The following SDK1 variants were observed in gnomAD, a reference collection of about 807,000 sequenced individuals.
SDK1 encodes the protein sidekick cell adhesion molecule 1, also known as protein sidekick-1.
A neutral mutation model predicts 245.5 loss-of-function variants in SDK1; 157 were observed. The ratio of observed to expected loss-of-function variants is 0.64; its 90% confidence interval spans 0.56 to 0.73. SDK1 has a LOEUF of 0.73. SDK1 is among the 30% of genes least tolerant of loss of function. The pLI, the probability that SDK1 is intolerant of heterozygous loss-of-function variation, is 0.00. For missense variants in SDK1, 3,583 were observed against 3,002.3 expected, an observed-to-expected ratio of 1.19 and a Z score of -4.52; for synonymous variants, 1,647 against 1,278.5, an observed-to-expected ratio of 1.29 and a Z score of -6.15.
intron 4 of SDK1, among the ~76,000 whole-genome samples, chr7:3,644,592 T>C (rs1370723433): frequency 6.6e-6 from 1 of 150,658 alleles, no homozygotes; most frequent in Non-Finnish European, 1.5e-5. Context: ...ACTGAAACCT[T>C]ATCTCTACTG....
rs756852528 is a variant in SDK1, at chr7:3,962,663, C to A, written c.1241C>A (p.Pro414His). Residue 414 changes from proline to histidine, a missense_variant, in exon 9 of 45, where the codon CCC becomes CAC. Coordinates refer to ENST00000404826, the MANE Select transcript of SDK1 (RefSeq NM_152744.4). ...VDIGCQAMGVPLPTLQWYKDA... is the reference protein window; with the variant it reads ...VDIGCQAMGVHLPTLQWYKDA... ...TATTCCCATTCCTACGCAGGGGTCCCCCTTCCCACCCTCCAGTGGTACAAG... is the reference window on the plus strand; with the variant it reads ...TATTCCCATTCCTACGCAGGGGTCCACCTTCCCACCCTCCAGTGGTACAAG... The A allele has an allele frequency of 3.1e-6, 5 of 1,607,608 alleles. No homozygotes were observed. The highest frequency in any genetic ancestry group is 1.7e-4 in the Middle Eastern group (1 of 6,032).
chr7:3,943,515 CG>C (rs1780454257), intron 5 of SDK1, among the ~76,000 whole-genome samples: 1 of 150,080 alleles, frequency 6.7e-6, no homozygotes, highest in African/African-American at 2.5e-5. Context: ...TCCTTCAGAG[CG>C]GAGTCCATTT....
intron 4 of SDK1, among the ~76,000 whole-genome samples, chr7:3,772,612 A>G (rs1315115096): frequency 6.6e-6 from 1 of 152,246 alleles, no homozygotes; most frequent in African/African-American, 2.4e-5. Context: ...GTTACAAACT[A>G]GTGCTAAAAT....
At position 4,099,896 on chromosome 7, in the gene SDK1, C is replaced by T. The variant is rs571013191; in HGVS notation, c.3325-10767C>T. On this transcript the variant is annotated intron_variant, in intron 22 of 44. Transcript: ENST00000404826. ...GGTCACCGAGCTCGCTGGCATGTGC[C>T]GGAGTGTCCGGGGCTGACCTCGTCC... 1.1e-4 allele frequency among the ~76,000 whole-genome samples: 17 copies of T among 151,554 alleles called. No individual in the cohort carries two copies. In the East Asian group the frequency reaches 2.6e-3, roughly 23 times the overall value.
intron 1 of SDK1, among the ~76,000 whole-genome samples, chr7:3,410,547 C>T (rs900569633): frequency 4.1e-5 from 6 of 147,940 alleles, no homozygotes; most frequent in Non-Finnish European, 1.5e-5. Context: ...CCAAAGGTTG[C>T]ATAACTCATA....
intron 14 of SDK1, among the ~76,000 whole-genome samples, chr7:3,998,106 C>T (rs1375201474): frequency 6.6e-6 from 1 of 152,246 alleles, no homozygotes; most frequent in African/African-American, 2.4e-5. Context: ...GATCTGCAGC[C>T]ACGACTTGGG....
chr7:3,799,443 G>A lies in SDK1; in HGVS notation c.714-22007G>A, dbSNP rs139602808. On this transcript the variant is annotated intron_variant, in intron 4 of 44. Transcript: ENST00000404826. ...ATCCTGGCCAGGTGCAGTGGCTCAC[G>A]TCTGTAATCCCAGCACTTTGGGAGG... is the stretch of plus-strand genomic sequence containing the variant. Among the ~76,000 whole-genome samples, 228 of 151,880 alleles carry A rather than the reference G, an allele frequency of 1.5e-3. 7 individuals are homozygous for A. In the East Asian group the frequency reaches 0.036, roughly 24 times the overall value.
At chr7:3,400,254 A>C (rs895372965) in intron 1 of SDK1, among the ~76,000 whole-genome samples, 2 of 152,178 alleles carry the variant, frequency 1.3e-5, no homozygotes, top group African/African-American at 4.8e-5. Context: ...TTTCTAGCCA[A>C]GATTCAGCAG....
At chr7:3,669,626 T>A (rs1783634294) in intron 4 of SDK1, among the ~76,000 whole-genome samples, 1 of 152,180 alleles carries the variant, frequency 6.6e-6, no homozygotes, top group Admixed American at 6.5e-5. Context: ...ATTTCCTCAA[T>A]CCTTGGTCCT....
chr7:3,823,644 T>A (rs1485244469), intron 5 of SDK1, among the ~76,000 whole-genome samples: 1 of 152,250 alleles, frequency 6.6e-6, no homozygotes, highest in African/African-American at 2.4e-5. Flanking sequence ...TCATAAATAT[T>A]ATAATTAACT....
At chr7:4,204,745 G>A (rs1363857466) in intron 35 of SDK1, among the ~76,000 whole-genome samples, 1 of 152,216 alleles carries the variant, frequency 6.6e-6, no homozygotes, top group Non-Finnish European at 1.5e-5. Flanking sequence ...GCCTCCGGGA[G>A]CCAGGCCCCC....
chr7:4,116,673 C>A (rs919690273), intron 25 of SDK1, among the ~76,000 whole-genome samples: 2 of 152,250 alleles, frequency 1.3e-5, no homozygotes, highest in Admixed American at 6.5e-5. Context: ...GGCTTTATTT[C>A]TTCCTACTCT....
At chr7:3,336,900 T>C (rs1430937435) in intron 1 of SDK1, among the ~76,000 whole-genome samples, 2 of 152,192 alleles carry the variant, frequency 1.3e-5, no homozygotes, top group Non-Finnish European at 2.9e-5. Context: ...AGTGGGTAAC[T>C]GAATGTGCAT....
chr7:3,551,644 C>G (rs1322323840), intron 1 of SDK1, among the ~76,000 whole-genome samples: 3 of 151,894 alleles, frequency 2.0e-5, no homozygotes, highest in African/African-American at 2.4e-5. Context: ...TAGTTTCCCC[C>G]TAAATTTAGT....
chr7:3,525,004 A>G (rs577671937), intron 1 of SDK1, among the ~76,000 whole-genome samples: 3 of 152,312 alleles, frequency 2.0e-5, no homozygotes, highest in East Asian at 3.9e-4. Context: ...AAATAGGTGG[A>G]AAAAAACCAA....
chr7:3,418,820 C>G (rs940796435), intron 1 of SDK1, among the ~76,000 whole-genome samples: 2 of 152,130 alleles, frequency 1.3e-5, no homozygotes, highest in Non-Finnish European at 2.9e-5. Flanking sequence ...ATACAGTCGT[C>G]CCTCATTGTA....
At chr7:3,820,428 G>T (rs79224303) in intron 4 of SDK1, among the ~76,000 whole-genome samples, 2,191 of 152,310 alleles carry the variant, frequency 0.014, 23 homozygotes, top group Non-Finnish European at 0.022. Context: ...GATCACAGAT[G>T]TGAGCCACTG....
At chr7:4,250,221 A>G (rs2128240561) in intron 44 of SDK1, among the ~76,000 whole-genome samples, 1 of 152,332 alleles carries the variant, frequency 6.6e-6, no homozygotes, top group East Asian at 1.9e-4. Flanking sequence ...TTACGAAGTA[A>G]TCAATTTGTG....
intron 30 of SDK1, among the ~76,000 whole-genome samples, chr7:4,153,954 T>C (rs1418088469): frequency 6.6e-6 from 1 of 152,138 alleles, no homozygotes; most frequent in Non-Finnish European, 1.5e-5. Context: ...GTACTGGGAT[T>C]ACAGGCATGA....
Sources: allele counts gnomAD v4.1 joint callset (sites outside exome capture counted in the v4.1 genomes callset), GRCh38; gene constraint gnomAD v4.1.1; transcripts MANE v1.5; gene names NCBI Gene and HGNC (gene_info 2026-07-23, HGNC 2026-07-21).